The following POLN variants were observed in gnomAD, a reference collection of about 807,000 sequenced individuals.
POLN encodes the protein DNA polymerase nu.
A neutral mutation model predicts 113.5 loss-of-function variants in POLN; 108 were observed. The ratio of observed to expected loss-of-function variants is 0.95; its 90% confidence interval spans 0.81 to 1.12. The LOEUF (loss-of-function observed/expected upper bound fraction) is 1.12. Ranked by LOEUF, POLN falls within the 50% of genes most tolerant of loss-of-function variation. The probability of loss-of-function intolerance (pLI) is 0.00; values close to 1 mark genes in which losing one functional copy is unlikely to be tolerated. For missense variants in POLN, 1,097 were observed against 1,077.1 expected (o/e 1.02, Z -0.26); for synonymous variants, 386 against 391.5 (o/e 0.99, Z 0.17).
chr4:2,240,070 C>A, intron 2 of POLN: 2 of 1,613,814 alleles, frequency 1.2e-6, no homozygotes, highest in African/African-American at 1.3e-5. Context: ...CTCTCCTCTG[C>A]CCATTTTATA....
At chr4:2,090,207 G>A (rs1026944342) in intron 20 of POLN, 3 of 834,438 alleles carry the variant, frequency 3.6e-6, no homozygotes, top group Non-Finnish European at 5.8e-6. Flanking sequence ...CTTTCCTGTA[G>A]ATACTCTTCC....
intron 13 of POLN, among the ~76,000 whole-genome samples, chr4:2,169,201 G>A (rs1244277382): frequency 6.6e-6 from 1 of 152,190 alleles, no homozygotes; most frequent in South Asian, 2.1e-4. Flanking sequence ...GCACGGGCCT[G>A]GGGATACGCT....
intron 4 of POLN, among the ~76,000 whole-genome samples, chr4:2,211,136 AGC>A (rs945410497): frequency 4.1e-5 from 6 of 144,900 alleles, no homozygotes; most frequent in Non-Finnish European, 6.0e-5. Context: ...CTGTAATCCC[AGC>A]TACTCAGAGG....
intron 16 of POLN, among the ~76,000 whole-genome samples, chr4:2,136,110 A>G (rs563296916): frequency 6.6e-6 from 1 of 152,342 alleles, no homozygotes; most frequent in East Asian, 1.9e-4. Context: ...TTCATCTCCC[A>G]GGTCCAACGA....
At chr4:2,156,737 A>G (rs749794943) in intron 16 of POLN, 51 bp downstream of exon 16, 4 of 1,495,934 alleles carry the variant, frequency 2.7e-6, no homozygotes, top group Non-Finnish European at 3.7e-6. Flanking sequence ...AAACTTCAAT[A>G]GCAAGGCAGG....
chr4:2,116,192 T>A (rs556798319), intron 19 of POLN, among the ~76,000 whole-genome samples: 124 of 152,332 alleles, frequency 8.1e-4, no homozygotes, highest in African/African-American at 2.9e-3. Context: ...CTGGAAAGAC[T>A]TGTGGGCAAG....
At chr4:2,236,095 GAT>G (rs1441387220) in intron 2 of POLN, 4 of 564,404 alleles carry the variant, frequency 7.1e-6, no homozygotes, top group Non-Finnish European at 1.2e-5. Flanking sequence ...AAAATTAGGA[GAT>G]ATAGAAATAT....
Position 2,129,274 on chromosome 4 carries a change from G to A in POLN, c.1790-18C>T. The stretch of plus-strand genomic sequence containing the variant: ...TTCTTTACCTGAATTGTTATTTCAA[G>A]AGCATTTAGTGAATTTGGTCATGAA... On this transcript the variant is annotated intron_variant, in intron 17 of 25. Transcript: ENST00000511885. 6.5e-7 allele frequency: 1 copy of A among 1,534,008 alleles called. No individual in the cohort carries two copies. Among genetic ancestry groups the A allele is most frequent in the Non-Finnish European group, 9.0e-7 (1 of 1,107,766 alleles).
chr4:2,085,604 C>T lies in POLN; in HGVS notation c.2197+9G>A. 1.2e-6 allele frequency: 2 copies of T among 1,613,594 alleles called. No homozygotes were observed. The highest frequency in any genetic ancestry group is 1.7e-6 in the Non-Finnish European group (2 of 1,179,888). ...AGGGAGCAGGGAGCTCTGGTTGTGG[C>T]CAACTCACCTGTCTGGTGACACTGG... On this transcript the variant is annotated intron_variant, in intron 21 of 25. Transcript: ENST00000511885.
chr4:2,165,263 C>T (rs1732701603), intron 13 of POLN, among the ~76,000 whole-genome samples: 2 of 152,174 alleles, frequency 1.3e-5, no homozygotes, highest in Non-Finnish European at 2.9e-5. Flanking sequence ...AATGAACTAT[C>T]AGGCTGTGAA....
intron 7 of POLN, 128 bp downstream of exon 7, chr4:2,193,076 G>C: frequency 1.5e-6 from 1 of 655,150 alleles, no homozygotes; most frequent in South Asian, 2.0e-5. Flanking sequence ...CCATCAGGAG[G>C]CATATCAGTC....
At chr4:2,157,722 C>CAA (rs71644319) in intron 15 of POLN, 136 bp downstream of exon 15, 224 of 134,602 alleles carry the variant, frequency 1.7e-3, no homozygotes, top group Middle Eastern at 3.8e-3. Flanking sequence ...GACTCTGTCT[C>CAA]AAAAAAAAAA....
intron 20 of POLN, among the ~76,000 whole-genome samples, chr4:2,086,210 C>T (rs1242877671): frequency 6.6e-6 from 1 of 152,208 alleles, no homozygotes; most frequent in African/African-American, 2.4e-5. Context: ...TGTGGTGGCT[C>T]ATGTCTATAA....
rs182183011 is a variant in POLN at position 2,220,286 on chromosome 4, C to G, written c.134-7160G>C. Among the ~76,000 whole-genome samples the G allele has an allele frequency of 2.0e-5, 3 of 152,308 alleles. No individual in the cohort carries two copies. The East Asian group carries it at 5.8e-4, about 29-fold the overall frequency. On this transcript the variant is annotated intron_variant, in intron 3 of 25. Transcript: ENST00000511885. ...TTCTTCTTGCTCCTGCAGCTCTTAA[C>G]CAGTGTACTAGACACCCATGAGCAG...
intron 20 of POLN, chr4:2,089,601 A>G: frequency 1.0e-6 from 1 of 991,640 alleles, no homozygotes; most frequent in Non-Finnish European, 1.5e-6. Context: ...TAGCATTTAA[A>G]TTATCAACAG....
intron 21 of POLN, among the ~76,000 whole-genome samples, chr4:2,082,186 C>T (rs893459973): frequency 2.0e-5 from 3 of 152,052 alleles, no homozygotes; most frequent in Non-Finnish European, 2.9e-5. Context: ...GAACTCCTGA[C>T]CTCAGGTGAT....
intron 9 of POLN, 21 bp downstream of exon 9, chr4:2,176,245 A>C (rs768751171): frequency 6.3e-7 from 1 of 1,588,194 alleles, no homozygotes; most frequent in Non-Finnish European, 8.6e-7. Flanking sequence ...GTCAGCCAGA[A>C]ATTATAATAA....
intron 14 of POLN, 46 bp downstream of exon 14, chr4:2,159,108 TC>T (rs1732512561): frequency 2.2e-6 from 3 of 1,379,910 alleles, no homozygotes; most frequent in South Asian, 2.3e-5. Context: ...GCCATATGGT[TC>T]CCCCTCATCA....
chr4:2,122,189 G>C (rs1731458692), intron 19 of POLN, among the ~76,000 whole-genome samples: 1 of 152,092 alleles, frequency 6.6e-6, no homozygotes, highest in Non-Finnish European at 1.5e-5. Flanking sequence ...CACTAAGGTG[G>C]CAACAAAGCT....
Sources: allele counts gnomAD v4.1 joint callset (sites outside exome capture counted in the v4.1 genomes callset), GRCh38; gene constraint gnomAD v4.1.1; transcripts MANE v1.5; gene names NCBI Gene and HGNC (gene_info 2026-07-23, HGNC 2026-07-21).